Variants in POLA2 observed in about 807,000 individuals in gnomAD.
POLA2 encodes the protein DNA polymerase alpha subunit B.
POLA2 carries 47 observed loss-of-function variants against 82.8 expected under a neutral mutation model. That is an observed-to-expected ratio of 0.57 (90% CI 0.45 to 0.72). The LOEUF (loss-of-function observed/expected upper bound fraction) is 0.72, where lower values mean the gene tolerates loss of function less well. Ranked by LOEUF, POLA2 falls within the 30% of genes least tolerant of loss-of-function variation. The pLI is 0.00. For missense variants in POLA2, 634 were observed against 728.1 expected, an observed-to-expected ratio of 0.87 and a Z score of 1.49; for synonymous variants, 287 against 286.8, an observed-to-expected ratio of 1.00 and a Z score of -0.01.
downstream of POLA2, among the ~76,000 whole-genome samples, chr11:65,302,084 CAG>C (rs1401925489): frequency 1.3e-5 from 2 of 152,170 alleles, no homozygotes; most frequent in African/African-American, 4.8e-5. Flanking sequence ...TGGGAGGTCT[CAG>C]GGACAGCTGC....
chr11:65,264,479 A>G (rs1949436727), intron 1 of POLA2, among the ~76,000 whole-genome samples: 1 of 152,176 alleles, frequency 6.6e-6, no homozygotes, highest in African/African-American at 2.4e-5. Context: ...TGCTGGGATT[A>G]CACTGCGCCA....
At chr11:65,302,625 A>G (rs1386912528), downstream of POLA2, among the ~76,000 whole-genome samples, 1 of 152,096 alleles carries the variant, frequency 6.6e-6, no homozygotes, top group Non-Finnish European at 1.5e-5. Flanking sequence ...GAATGTTTCT[A>G]GTAATAGTAG....
intron 5 of POLA2, among the ~76,000 whole-genome samples, chr11:65,277,095 G>A (rs908567149): frequency 2.0e-5 from 3 of 151,658 alleles, no homozygotes; most frequent in Non-Finnish European, 4.4e-5. Flanking sequence ...GGCCTTTTCA[G>A]CTCTATCACT....
chr11:65,287,457 G>A (rs115146265), intron 10 of POLA2: 2 of 282,338 alleles, frequency 7.1e-6, no homozygotes, highest in African/African-American at 2.2e-5. Context: ...CACTTTCCTC[G>A]AATCTTTCAT....
intron 15 of POLA2, 84 bp from the exon 16 acceptor site, chr11:65,295,455 TG>T: frequency 8.2e-7 from 1 of 1,212,816 alleles, no homozygotes; most frequent in Non-Finnish European, 1.2e-6. Flanking sequence ...ACCTTCTCTC[TG>T]GTTTATTAAA....
chr11:65,263,152 A>G (rs1318037763), intron 1 of POLA2, among the ~76,000 whole-genome samples: 2 of 150,894 alleles, frequency 1.3e-5, no homozygotes, highest in Non-Finnish European at 3.0e-5. Context: ...ACGTTAATTT[A>G]TGGTGAGAAA....
At chr11:65,290,811 T>C (rs1332506249) in intron 13 of POLA2, among the ~76,000 whole-genome samples, 2 of 152,272 alleles carry the variant, frequency 1.3e-5, no homozygotes, top group African/African-American at 4.8e-5. Flanking sequence ...AGTGAAATCC[T>C]GTGAGACCCC....
intron 5 of POLA2, among the ~76,000 whole-genome samples, chr11:65,278,293 G>T (rs1255709644): frequency 6.6e-6 from 1 of 152,110 alleles, no homozygotes; most frequent in South Asian, 2.1e-4. Flanking sequence ...GAACCATATT[G>T]TGAGTTTTTA....
intron 9 of POLA2, among the ~76,000 whole-genome samples, chr11:65,282,129 G>A (rs184786192): frequency 3.7e-4 from 56 of 152,316 alleles, no homozygotes; most frequent in Admixed American, 1.4e-3. Context: ...AGAGATTTTC[G>A]TAGAATGCCA....
chr11:65,292,534 G>A (rs983004381), intron 13 of POLA2, among the ~76,000 whole-genome samples: 1 of 152,198 alleles, frequency 6.6e-6, no homozygotes, highest in African/African-American at 2.4e-5. Context: ...TATCACAGAT[G>A]TCAAGCCCTT....
chr11:65,275,758 T>G, intron 4 of POLA2, 134 bp from the exon 5 acceptor site: 1 of 447,640 alleles, frequency 2.2e-6, no homozygotes, highest in Non-Finnish European at 4.0e-6. Flanking sequence ...GATGGGGCCT[T>G]AAGAAGAGAA....
chr11:65,295,765 TG>T, intron 16 of POLA2, 98 bp from the exon 17 acceptor site: 1 of 1,476,890 alleles, frequency 6.8e-7, no homozygotes, highest in South Asian at 1.2e-5. Context: ...AGTCGGTCTG[TG>T]GATGCCAGCA....
intron 17 of POLA2, chr11:65,296,347 G>A (rs1949810622): frequency 4.4e-6 from 1 of 227,910 alleles, no homozygotes; most frequent in South Asian, 6.0e-5. Context: ...TGACCTCCAA[G>A]TGGGCTCAGC....
At chr11:65,268,253 G>C (rs1251013087) in intron 3 of POLA2, among the ~76,000 whole-genome samples, 1 of 151,784 alleles carries the variant, frequency 6.6e-6, no homozygotes, top group East Asian at 1.9e-4. Context: ...TGGACGACGA[G>C]GAAACCCCAT....
At chr11:65,283,813 T>A (rs1217565561) in intron 10 of POLA2, among the ~76,000 whole-genome samples, 1 of 152,094 alleles carries the variant, frequency 6.6e-6, no homozygotes, top group Admixed American at 6.6e-5. Context: ...ATGTGGTAAC[T>A]AATCTAGTTG....
At chr11:65,284,447 A>C (rs980796114) in intron 10 of POLA2, among the ~76,000 whole-genome samples, 4 of 151,640 alleles carry the variant, frequency 2.6e-5, no homozygotes, top group Admixed American at 6.6e-5. Context: ...GTGCCATTGC[A>C]CTCCAGCCTG....
downstream of POLA2, among the ~76,000 whole-genome samples, chr11:65,303,248 A>G (rs1211737901): frequency 6.6e-6 from 1 of 151,172 alleles, no homozygotes; most frequent in African/African-American, 2.4e-5. Context: ...AGGCTGAGTC[A>G]GGAGAATGGC....
intron 9 of POLA2, 50 bp from the exon 10 acceptor site, chr11:65,282,429 A>T (rs1565481706): frequency 6.4e-7 from 1 of 1,565,708 alleles, no homozygotes; most frequent in Non-Finnish European, 8.8e-7. Context: ...TTTCCTTACC[A>T]AGGTGATGCC....
intron 17 of POLA2, chr11:65,296,276 GGTGAC>G (rs1949810017): frequency 3.1e-6 from 1 of 326,718 alleles, no homozygotes. Flanking sequence ...GCCACATAGA[GGTGAC>G]CTGGGGAAGA....
Sources: gnomAD v4.1 joint callset for allele counts (sites outside exome capture counted in the v4.1 genomes callset) on GRCh38, gnomAD v4.1.1 for gene constraint, MANE v1.5 for transcripts, NCBI Gene and HGNC (gene_info 2026-07-23, HGNC 2026-07-21) for gene names.